Variants in SYNE1 observed in about 807,000 individuals in gnomAD.
The protein encoded by SYNE1 is nesprin-1.
In SYNE1, 616 loss-of-function variants were observed where a neutral mutation model predicts 1,111.0. That is an observed-to-expected ratio of 0.55 (90% CI 0.52 to 0.59). SYNE1 has a LOEUF of 0.59. Among genes scored for constraint, SYNE1 ranks in the 20% least tolerant of loss-of-function variants. The pLI is 0.00. For synonymous variants in SYNE1, 3,855 were observed against 3,825.8 expected (o/e 1.01, Z -0.28); for missense variants, 10,006 against 10,417.0 (o/e 0.96, Z 1.72).
intron 121 of SYNE1, among the ~76,000 whole-genome samples, chr6:152,217,673 G>A (rs9479267): frequency 0.063 from 9,643 of 152,056 alleles, 1,045 homozygotes; most frequent in African/African-American, 0.22. Flanking sequence ...AAACAGAGAC[G>A]AGAGGTTCAA....
chr6:152,404,104 G>T (rs866328523), intron 46 of SYNE1, 109 bp downstream of exon 46: 165 of 544,496 alleles, frequency 3.0e-4, no homozygotes, highest in South Asian at 9.6e-4. Context: ...AGATATATGA[G>T]ATATATATAT....
At chr6:152,328,262 C>G (rs747366210) in intron 78 of SYNE1, among the ~76,000 whole-genome samples, 2 of 152,008 alleles carry the variant, frequency 1.3e-5, no homozygotes, top group Non-Finnish European at 2.9e-5. Context: ...CTATCCTTTA[C>G]CTAAAGGGTT....
intron 48 of SYNE1, among the ~76,000 whole-genome samples, chr6:152,398,956 A>G (rs1453074908): frequency 6.6e-5 from 10 of 152,218 alleles, no homozygotes; most frequent in Non-Finnish European, 1.5e-5. Context: ...CAGAGGAAAG[A>G]CTAAAAAGAA....
In SYNE1 at chr6:152,151,484, C is replaced by G. The variant is rs950586432; in HGVS notation, c.24450+69G>C. 14 of 1,598,486 alleles carry G rather than the reference C, an allele frequency of 8.8e-6. No individual in the cohort carries two copies. In the Admixed American group the frequency reaches 2.1e-4, roughly 23 times the overall value. On this transcript the variant is annotated intron_variant, in intron 135 of 145. Transcript: ENST00000367255. The stretch of plus-strand genomic sequence containing the variant: ...GAAAAGTTATTTGCTATGTTCTTCA[C>G]AAAAGAGCCACAAATCCTTTCATTT...
chr6:152,284,054 T>C lies in SYNE1; in HGVS notation c.18131A>G (p.Gln6044Arg), dbSNP rs1196031716. 4 of 1,614,224 alleles carry C rather than the reference T, an allele frequency of 2.5e-6. No individual in the cohort carries two copies. The highest frequency in any genetic ancestry group is 3.4e-6 in the Non-Finnish European group (4 of 1,180,038). ...EADPAEQLAL[Q>R]STLTVLAERM... Reference sequence around the variant, plus strand: ...CTCGGCTAAGACAGTGAGCGTGGACTGCAAGGCCAGCTGCTCCGCAGGGTC... The same window carrying C: ...CTCGGCTAAGACAGTGAGCGTGGACCGCAAGGCCAGCTGCTCCGCAGGGTC... The change falls in exon 96 of 146, where the codon CAG becomes CGG. Residue 6044 changes from glutamine to arginine, a missense_variant. By Grantham distance (43) the Gln-to-Arg change is conservative (BLOSUM62 1). Around this residue, in one of 7 missense-constraint regions of SYNE1, gnomAD observed 4,955 missense variants for 5,017.2 expected, o/e 0.99. Transcript: ENST00000367255.
intron 131 of SYNE1, among the ~76,000 whole-genome samples, chr6:152,160,466 C>A (rs2062241034): frequency 6.6e-6 from 1 of 152,194 alleles, no homozygotes; most frequent in Non-Finnish European, 1.5e-5. Flanking sequence ...TCATCAGGGA[C>A]TTTCCTGCAC....
At chr6:152,357,906 A>AT (rs1455586957) in intron 66 of SYNE1, among the ~76,000 whole-genome samples, 1 of 152,038 alleles carries the variant, frequency 6.6e-6, no homozygotes, top group Admixed American at 6.6e-5. Flanking sequence ...TACTTCTGTA[A>AT]TTCCTTCTTC....
chr6:152,539,469 A>C (rs2099259066), intron 4 of SYNE1, among the ~76,000 whole-genome samples: 1 of 152,218 alleles, frequency 6.6e-6, no homozygotes, highest in East Asian at 1.9e-4. Flanking sequence ...AGAGTGGATA[A>C]TACTAGAATG....
intron 54 of SYNE1, 29 bp downstream of exon 54, chr6:152,387,043 A>G: frequency 6.3e-7 from 1 of 1,582,544 alleles, no homozygotes. Flanking sequence ...TGTATTATAA[A>G]GCATCTACTT....
chr6:152,157,652 G>T (rs932920997), intron 131 of SYNE1, among the ~76,000 whole-genome samples: 8 of 152,118 alleles, frequency 5.3e-5, no homozygotes, highest in Middle Eastern at 3.4e-3. Context: ...CACAGTTTAT[G>T]CATGTAACAA....
intron 16 of SYNE1, among the ~76,000 whole-genome samples, chr6:152,469,447 G>A (rs955820813): frequency 5.3e-5 from 8 of 152,026 alleles, no homozygotes; most frequent in African/African-American, 1.9e-4. Context: ...AGTTCTAGTG[G>A]CTGGTATCTG....
intron 123 of SYNE1, among the ~76,000 whole-genome samples, chr6:152,212,447 A>G (rs764761068): frequency 3.3e-5 from 5 of 152,176 alleles, no homozygotes; most frequent in African/African-American, 1.2e-4. Flanking sequence ...GTTGCAACAT[A>G]TATCAGTACC....
intron 82 of SYNE1, among the ~76,000 whole-genome samples, chr6:152,322,382 A>G (rs1365458885): frequency 6.6e-6 from 1 of 152,244 alleles, no homozygotes; most frequent in African/African-American, 2.4e-5. Context: ...TTACCTTGAC[A>G]TCACCTATAA....
At chr6:152,141,598 T>G (rs2058566448) in intron 138 of SYNE1, among the ~76,000 whole-genome samples, 1 of 151,400 alleles carries the variant, frequency 6.6e-6, no homozygotes, top group Non-Finnish European at 1.5e-5. Context: ...CTCTACAAAA[T>G]ATACAAGAAA....
rs1392517827 is a variant in SYNE1, at chr6:152,387,273, T to C, written c.8286A>G (p.Pro2762=). 1.2e-5 allele frequency: 20 copies of C among 1,614,086 alleles called. No homozygotes were observed. Among genetic ancestry groups the C allele is most frequent in the Non-Finnish European group, 1.7e-5 (20 of 1,180,032 alleles). Residue 2762 remains proline (P), a synonymous_variant, in exon 54 of 146, where the codon CCA becomes CCG. Coordinates refer to ENST00000367255, the MANE Select transcript of SYNE1 (RefSeq NM_182961.4). Reference sequence around the variant, plus strand: ...CGAACTTCTCTTTCAGACCTGGCTGTGGTTGTAAGGGATGTTCTATTTTTT... The same window carrying C: ...CGAACTTCTCTTTCAGACCTGGCTGCGGTTGTAAGGGATGTTCTATTTTTT... The part of the protein sequence containing the change: ...VDQKIEHPLQ[P]QPGLKEKFVL...
rs774786154 is a variant in SYNE1, at chr6:152,164,335, G to A, written c.23628-10C>T. On this transcript the variant is annotated splice_polypyrimidine_tract_variant and intron_variant, in intron 130 of 145. Transcript: ENST00000367255. The stretch of plus-strand genomic sequence containing the variant: ...CTTCAGCTTCTTCACCCTGTGGGCA[G>A]AGAAGGGGGAATGTCCCACTTCAGC... 8.7e-6 allele frequency: 14 copies of A among 1,614,024 alleles called. No homozygotes were observed. Among genetic ancestry groups the A allele is most frequent in the Non-Finnish European group, 1.2e-5 (14 of 1,180,022 alleles).
intron 78 of SYNE1, among the ~76,000 whole-genome samples, chr6:152,326,912 T>C (rs1290311678): frequency 6.6e-6 from 1 of 152,172 alleles, no homozygotes; most frequent in East Asian, 1.9e-4. Context: ...TTCTGAAACT[T>C]CCCTCTCTAA....
chr6:152,571,777 C>T (rs554614202), intron 3 of SYNE1, among the ~76,000 whole-genome samples: 58 of 152,244 alleles, frequency 3.8e-4, no homozygotes, highest in Middle Eastern at 3.4e-3. Flanking sequence ...AAAAGATTAA[C>T]ATTTTAGTGT....
intron 32 of SYNE1, among the ~76,000 whole-genome samples, 170 bp from the exon 33 acceptor site, chr6:152,436,271 C>A (rs1018171719): frequency 5.3e-5 from 8 of 152,042 alleles, no homozygotes; most frequent in African/African-American, 1.9e-4. Context: ...TTCCATATGG[C>A]CAAAATAGAC....
Sources: gnomAD v4.1 joint callset for allele counts (sites outside exome capture counted in the v4.1 genomes callset) on GRCh38, gnomAD v4.1.1 for gene constraint, gnomAD v4.1.1 regional missense constraint, MANE v1.5 for transcripts, NCBI Gene and HGNC (gene_info 2026-07-23, HGNC 2026-07-21) for gene names.